Variants in ST3GAL6 observed in about 807,000 individuals in gnomAD.
The protein encoded by ST3GAL6 is ST3 beta-galactoside alpha-2,3-sialyltransferase 6.
In ST3GAL6, 31 loss-of-function variants were observed where a neutral mutation model predicts 40.5. The ratio of observed to expected loss-of-function variants is 0.77; its 90% CI spans 0.58 to 1.03. ST3GAL6 has a LOEUF of 1.03. Ranked by LOEUF, ST3GAL6 falls within the 50% of genes least tolerant of loss-of-function variation. ST3GAL6 has a pLI of 0.00. For synonymous variants in ST3GAL6, 129 were observed against 136.9 expected (o/e 0.94, Z 0.40); for missense variants, 357 against 393.2 (o/e 0.91, Z 0.78).
intron 8 of ST3GAL6, among the ~76,000 whole-genome samples, chr3:98,790,671 G>T (rs905645125): frequency 6.6e-6 from 1 of 152,084 alleles, no homozygotes; most frequent in African/African-American, 2.4e-5. Context: ...TGGGGTGTGG[G>T]TACAGGGTGA....
intron 5 of ST3GAL6, among the ~76,000 whole-genome samples, 199 bp from the exon 6 acceptor site, chr3:98,784,746 T>C (rs1291224789): frequency 6.6e-6 from 1 of 152,236 alleles, no homozygotes; most frequent in African/African-American, 2.4e-5. Context: ...CTGACAATGA[T>C]ATGCTCTTCC....
At chr3:98,789,061 T>C (rs1940991566) in intron 8 of ST3GAL6, among the ~76,000 whole-genome samples, 1 of 152,260 alleles carries the variant, frequency 6.6e-6, no homozygotes, top group African/African-American at 2.4e-5. Flanking sequence ...GTTTGCCTTC[T>C]TTCCCTAGAA....
At chr3:98,766,587 A>T (rs1247199355) in intron 1 of ST3GAL6, among the ~76,000 whole-genome samples, 2 of 151,394 alleles carry the variant, frequency 1.3e-5, no homozygotes, top group East Asian at 3.9e-4. Context: ...CGCCCGGCTA[A>T]TTTTTTTGCA....
chr3:98,792,509 T>TA (rs200800537), intron 9 of ST3GAL6, among the ~76,000 whole-genome samples: 1 of 146,938 alleles, frequency 6.8e-6, no homozygotes, highest in African/African-American at 2.6e-5. Flanking sequence ...AATTTTAGTT[T>TA]AAATTTTTTT....
At chr3:98,744,595 C>T (rs780573294) in intron 1 of ST3GAL6, among the ~76,000 whole-genome samples, 9 of 152,166 alleles carry the variant, frequency 5.9e-5, no homozygotes, top group Admixed American at 5.9e-4. Context: ...AGTTTGCTTC[C>T]TGACATGCTC....
chr3:98,760,309 G>A (rs183399842), upstream of ST3GAL6, among the ~76,000 whole-genome samples: 106 of 152,286 alleles, frequency 7.0e-4, no homozygotes, highest in Non-Finnish European at 9.6e-4. Flanking sequence ...TGGATCAAAG[G>A]TTGGAGCTGA....
intron 5 of ST3GAL6, among the ~76,000 whole-genome samples, chr3:98,776,325 G>A (rs1203463330): frequency 6.6e-6 from 1 of 152,194 alleles, no homozygotes; most frequent in Non-Finnish European, 1.5e-5. Context: ...AGTCAACTTA[G>A]TTCCTCAAGT....
intron 5 of ST3GAL6, chr3:98,783,758 T>C: frequency 1.1e-6 from 1 of 872,846 alleles, no homozygotes; most frequent in Non-Finnish European, 1.4e-6. Flanking sequence ...TTTTCTTGAC[T>C]GATTAGGTAG....
At chr3:98,744,162 G>A (rs967438560) in intron 1 of ST3GAL6, among the ~76,000 whole-genome samples, 2 of 152,192 alleles carry the variant, frequency 1.3e-5, no homozygotes, top group Non-Finnish European at 2.9e-5. Flanking sequence ...AAGCTAGGAA[G>A]AGGCAAGGAA....
chr3:98,764,919 G>A (rs193116818), intron 1 of ST3GAL6, among the ~76,000 whole-genome samples: 153 of 152,272 alleles, frequency 1.0e-3, no homozygotes, highest in Non-Finnish European at 1.7e-3. Context: ...ATAATACAAA[G>A]CATCTAGTTA....
intron 1 of ST3GAL6, among the ~76,000 whole-genome samples, chr3:98,758,120 T>C (rs920697378): frequency 2.0e-5 from 3 of 152,240 alleles, no homozygotes; most frequent in African/African-American, 7.2e-5. Context: ...ATTACAGGCT[T>C]GAGCCACCGT....
At chr3:98,749,146 C>G (rs1442499302) in intron 1 of ST3GAL6, among the ~76,000 whole-genome samples, 1 of 152,048 alleles carries the variant, frequency 6.6e-6, no homozygotes, top group Non-Finnish European at 1.5e-5. Context: ...CAAAGTTACC[C>G]TAGAAAGTGA....
intron 9 of ST3GAL6, among the ~76,000 whole-genome samples, chr3:98,793,232 G>A (rs1941356786): frequency 6.6e-6 from 1 of 152,140 alleles, no homozygotes; most frequent in African/African-American, 2.4e-5. Flanking sequence ...ACTTCCTCAG[G>A]AAGAAAACTT....
chr3:98,761,130 C>T (rs1403397791), upstream of ST3GAL6, among the ~76,000 whole-genome samples: 1 of 152,108 alleles, frequency 6.6e-6, no homozygotes. Context: ...AGAATCATGA[C>T]TTCAGTGGTT....
chr3:98,789,615 C>T (rs536942037), intron 8 of ST3GAL6, among the ~76,000 whole-genome samples: 2 of 152,168 alleles, frequency 1.3e-5, no homozygotes, highest in East Asian at 1.9e-4. Flanking sequence ...GCCCATTTGT[C>T]GGATTTCTGT....
chr3:98,733,013 T>C, intron 1 of ST3GAL6: 1 of 1,447,430 alleles, frequency 6.9e-7, no homozygotes, highest in South Asian at 1.4e-5. Context: ...ACTGCCCGGG[T>C]GAGGGAAATT....
intron 6 of ST3GAL6, 80 bp downstream of exon 6, chr3:98,785,120 C>A: frequency 3.1e-6 from 3 of 967,398 alleles, no homozygotes; most frequent in Non-Finnish European, 4.7e-6. Context: ...TGTGTTTTGA[C>A]AGGAAGGGGA....
chr3:98,773,897 A>G (rs1164542969), intron 4 of ST3GAL6, 23 bp from the exon 5 acceptor site: 2 of 1,604,812 alleles, frequency 1.2e-6, no homozygotes, highest in South Asian at 1.1e-5. Flanking sequence ...CCTTTTATTC[A>G]TAACACTCCA....
chr3:98,732,715 T>C (rs897087077), intron 1 of ST3GAL6: 3 of 747,112 alleles, frequency 4.0e-6, no homozygotes, highest in Non-Finnish European at 5.9e-6. Flanking sequence ...TCGCCCGGGA[T>C]TGGGGCTGGC....
Sources: allele counts gnomAD v4.1 joint callset (sites outside exome capture counted in the v4.1 genomes callset), GRCh38; gene constraint gnomAD v4.1.1; transcripts MANE v1.5; gene names NCBI Gene and HGNC (gene_info 2026-07-23, HGNC 2026-07-21).